The following RGL1 variants were observed in gnomAD, a reference collection of about 807,000 sequenced individuals.
RGL1 encodes the protein ral guanine nucleotide dissociation stimulator like 1.
Under a neutral mutation model 95.2 loss-of-function variants are expected in RGL1, and 24 were observed. The observed-to-expected ratio is 0.25, with a 90% CI of 0.18 to 0.35. The LOEUF is 0.35. Ranked by LOEUF, RGL1 falls within the 10% of genes least tolerant of loss-of-function variation. RGL1 has a pLI of 1.00. For synonymous variants in RGL1, 329 were observed against 344.9 expected (o/e 0.95, Z 0.51); for missense variants, 715 against 936.3 (o/e 0.76, Z 3.08).
At position 183,724,409 on chromosome 1, in the gene RGL1, G is replaced by A. The variant is rs952599197; in HGVS notation, c.-32-17717G>A. ...TGGCTCTTGGACAGCATTTCTGGACGTCCCCTAGGCCAGAGGGGAGCCCAC... is the reference window on the plus strand; with the variant it reads ...TGGCTCTTGGACAGCATTTCTGGACATCCCCTAGGCCAGAGGGGAGCCCAC... On this transcript the variant is annotated intron_variant, in intron 1 of 18. Transcript: ENST00000304685. The surrounding 1 kb of genome is among the most constrained non-coding windows in gnomAD (Gnocchi z 4.1). Among the ~76,000 whole-genome samples, 7 of 151,994 alleles carry A rather than the reference G, an allele frequency of 4.6e-5. No homozygotes were observed. The highest frequency in any genetic ancestry group is 1.9e-4 in the East Asian group (1 of 5,168).
chr1:183,875,690 A>G (rs1264914092), intron 4 of RGL1, among the ~76,000 whole-genome samples: 1 of 151,948 alleles, frequency 6.6e-6, no homozygotes, highest in East Asian at 1.9e-4. Flanking sequence ...AGCCTGGCCA[A>G]CATGGTGAAA....
chr1:183,758,778 T>C (rs1489430385), intron 2 of RGL1, among the ~76,000 whole-genome samples: 3 of 152,144 alleles, frequency 2.0e-5, no homozygotes, highest in African/African-American at 4.8e-5. Context: ...CTAACAAAGT[T>C]TGGGAACACA....
intron 4 of RGL1, among the ~76,000 whole-genome samples, chr1:183,874,111 T>C (rs141472170): frequency 1.3e-5 from 2 of 152,336 alleles, no homozygotes; most frequent in East Asian, 1.9e-4. Flanking sequence ...ATTTATTGAC[T>C]ACTTAGTAGG....
chr1:183,780,901 C>T (rs1280325477), intron 2 of RGL1, among the ~76,000 whole-genome samples: 3 of 152,202 alleles, frequency 2.0e-5, no homozygotes, highest in South Asian at 2.1e-4. Context: ...CATGCTGTTC[C>T]GTGGCAATGG....
chr1:183,876,615 T>A (rs1666512284), intron 4 of RGL1, among the ~76,000 whole-genome samples: 1 of 152,268 alleles, frequency 6.6e-6, no homozygotes, highest in Admixed American at 6.5e-5. Flanking sequence ...TACTTCTGCC[T>A]TTACAAGTTA....
intron 2 of RGL1, among the ~76,000 whole-genome samples, chr1:183,780,420 C>G (rs2102353278): frequency 6.6e-6 from 1 of 152,296 alleles, no homozygotes; most frequent in South Asian, 2.1e-4. Flanking sequence ...GCTGAAGTAA[C>G]CTGCCCTGGG....
intron 4 of RGL1, among the ~76,000 whole-genome samples, chr1:183,866,952 G>A (rs754100846): frequency 1.1e-4 from 17 of 152,184 alleles, no homozygotes; most frequent in African/African-American, 1.9e-4. Flanking sequence ...ACAAGCTGGA[G>A]TGCATGGGCT....
chr1:183,795,006 A>G (rs1660625691), intron 2 of RGL1, among the ~76,000 whole-genome samples: 2 of 152,164 alleles, frequency 1.3e-5, no homozygotes, highest in African/African-American at 2.4e-5. Flanking sequence ...AGATTTATTT[A>G]TATCATTCAA....
At chr1:183,836,273 G>A (rs933910561) in intron 2 of RGL1, among the ~76,000 whole-genome samples, 5 of 151,444 alleles carry the variant, frequency 3.3e-5, no homozygotes, top group African/African-American at 9.7e-5. Context: ...TTTTTTAGAC[G>A]GAGTTTTGCT....
rs540197722 is a variant in RGL1 at position 183,784,211 on chromosome 1, A to T, written c.133-22164A>T. Among the ~76,000 whole-genome samples, 4 of 152,350 alleles carry T rather than the reference A, an allele frequency of 2.6e-5. No individual in the cohort carries two copies. In the South Asian group the frequency reaches 8.3e-4, roughly 32 times the overall value. On this transcript the variant is annotated intron_variant, in intron 2 of 18. Transcript: ENST00000304685. ...GGCATTAGAAGAGATGTGCAGAAGA[A>T]TATGGCGATAGATGACAAGCGGTCA...
intron 9 of RGL1, among the ~76,000 whole-genome samples, chr1:183,897,017 G>A (rs2102686037): frequency 6.6e-6 from 1 of 152,332 alleles, no homozygotes; most frequent in Non-Finnish European, 1.5e-5. Context: ...GCTAAGAAAT[G>A]CTACAGAAGT....
chr1:183,805,201 G>T lies in RGL1; in HGVS notation c.-97G>T. The T allele has an allele frequency of 1.3e-6, 2 of 1,533,832 alleles. No individual in the cohort carries two copies. Among genetic ancestry groups the T allele is most frequent in the South Asian group, 1.2e-5 (1 of 81,886 alleles). ...GCTGCGGTCGCTCGGGACCGGGACCGGGGCGAGGCGCCGCGGGGCTGAGCC... is the reference window on the plus strand; with the variant it reads ...GCTGCGGTCGCTCGGGACCGGGACCTGGGCGAGGCGCCGCGGGGCTGAGCC... On this transcript the variant is annotated 5_prime_UTR_variant, in exon 1 of 18. Transcript: ENST00000360851.
At chr1:183,866,197 C>T (rs1665826683) in intron 4 of RGL1, 124 bp downstream of exon 4, 1 of 718,566 alleles carries the variant, frequency 1.4e-6, no homozygotes, top group African/African-American at 1.8e-5. Flanking sequence ...CATACAGAGG[C>T]TTATTTTTTG....
chr1:183,921,683 A>G (rs1040307084), intron 16 of RGL1, among the ~76,000 whole-genome samples: 4 of 152,188 alleles, frequency 2.6e-5, no homozygotes, highest in Non-Finnish European at 5.9e-5. Flanking sequence ...TCTGCTATGA[A>G]TGTTTGTGTA....
intron 2 of RGL1, among the ~76,000 whole-genome samples, chr1:183,814,185 G>T (rs974614737): frequency 1.7e-5 from 2 of 120,306 alleles, no homozygotes; most frequent in African/African-American, 7.3e-5. Context: ...AGGAAGCTCA[G>T]TTAGTCTCAT....
chr1:183,742,699 G>A (rs1046225773), intron 2 of RGL1, among the ~76,000 whole-genome samples: 1 of 151,982 alleles, frequency 6.6e-6, no homozygotes, highest in Non-Finnish European at 1.5e-5. Context: ...ATATTTGTGT[G>A]CATATTTGTG....
intron 4 of RGL1, among the ~76,000 whole-genome samples, chr1:183,868,768 A>C (rs1016007195): frequency 6.6e-6 from 1 of 152,220 alleles, no homozygotes; most frequent in Non-Finnish European, 1.5e-5. Context: ...AGTCCAATCT[A>C]GAGCTGCCAT....
intron 1 of RGL1, among the ~76,000 whole-genome samples, chr1:183,731,116 G>T (rs1656605597): frequency 6.6e-6 from 1 of 152,094 alleles, no homozygotes; most frequent in African/African-American, 2.4e-5. Context: ...ATGAACCTGA[G>T]AATTGAATTC....
chr1:183,701,352 G>A (rs548196204), intron 1 of RGL1, among the ~76,000 whole-genome samples: 5 of 152,316 alleles, frequency 3.3e-5, no homozygotes, highest in African/African-American at 9.6e-5. Flanking sequence ...CTGGTTATTA[G>A]TCTAAACCCT....
Sources: allele counts gnomAD v4.1 joint callset (sites outside exome capture counted in the v4.1 genomes callset), GRCh38; gene constraint gnomAD v4.1.1; non-coding constraint Gnocchi (gnomAD v3.1); transcripts MANE v1.5; gene names NCBI Gene and HGNC (gene_info 2026-07-23, HGNC 2026-07-21).